The following DSCAML1 variants were observed in gnomAD, a reference collection of about 807,000 sequenced individuals.
DSCAML1 encodes DS cell adhesion molecule like 1.
DSCAML1 carries 38 observed loss-of-function variants against 200.5 expected under a neutral mutation model. The ratio of observed to expected loss-of-function variants is 0.19; its 90% CI spans 0.15 to 0.25. DSCAML1 has a LOEUF of 0.25. Ranked by LOEUF, DSCAML1 falls within the 10% of genes least tolerant of loss-of-function variation. The probability of loss-of-function intolerance (pLI) is 1.00; values close to 1 mark genes in which losing one functional copy is unlikely to be tolerated. For missense variants in DSCAML1, 2,223 were observed against 2,858.8 expected, an observed-to-expected ratio of 0.78 and a Z score of 5.07; for synonymous variants, 1,215 against 1,165.0, an observed-to-expected ratio of 1.04 and a Z score of -0.87.
intron 3 of DSCAML1, among the ~76,000 whole-genome samples, chr11:117,656,647 G>C (rs1490952686): frequency 6.6e-6 from 1 of 152,254 alleles, no homozygotes; most frequent in Middle Eastern, 3.4e-3. Flanking sequence ...GGCTTAGTAG[G>C]GTTAAGAAAT....
At chr11:117,738,220 C>T (rs2054356182) in intron 3 of DSCAML1, among the ~76,000 whole-genome samples, 1 of 152,166 alleles carries the variant, frequency 6.6e-6, no homozygotes, top group African/African-American at 2.4e-5. Context: ...ATACTCTGAA[C>T]TCTTTTCTCA....
At chr11:117,433,946 G>A (rs1019738907) in intron 27 of DSCAML1, among the ~76,000 whole-genome samples, 1 of 152,188 alleles carries the variant, frequency 6.6e-6, no homozygotes, top group Non-Finnish European at 1.5e-5. Flanking sequence ...CTCCTCTGGG[G>A]CCTCTGTCCC....
intron 21 of DSCAML1, among the ~76,000 whole-genome samples, chr11:117,443,595 C>T (rs2048113788): frequency 6.6e-6 from 1 of 152,164 alleles, no homozygotes; most frequent in Non-Finnish European, 1.5e-5. Flanking sequence ...GGGGTAGAGG[C>T]GACTCCCCCT....
At chr11:117,514,482 T>TCTCGGTTG (rs2049713516) in intron 8 of DSCAML1, among the ~76,000 whole-genome samples, 1 of 152,048 alleles carries the variant, frequency 6.6e-6, no homozygotes, top group Non-Finnish European at 1.5e-5. Context: ...TCGGGGCCAT[T>TCTCGGTTG]CTCGGTTGGA....
At chr11:117,449,150 G>T (rs188097233) in intron 20 of DSCAML1, among the ~76,000 whole-genome samples, 1 of 152,282 alleles carries the variant, frequency 6.6e-6, no homozygotes, top group East Asian at 1.9e-4. Context: ...AGTACAAAAA[G>T]AAGCAGCACT....
chr11:117,701,895 C>T (rs746542918), intron 3 of DSCAML1, among the ~76,000 whole-genome samples: 6 of 152,204 alleles, frequency 3.9e-5, no homozygotes, highest in South Asian at 2.1e-4. Flanking sequence ...GGCAGATGTA[C>T]GTGGGGCACA....
rs750689468 is a variant in DSCAML1 at position 117,532,469 on chromosome 11, T to C, written c.565A>G (p.Lys189Glu). 1 of 1,614,168 alleles carries C rather than the reference T, an allele frequency of 6.2e-7. No individual in the cohort carries two copies. The highest frequency in any genetic ancestry group is 8.5e-7 in the Non-Finnish European group (1 of 1,180,018). ...CGATAGGTGGAGAGGGCGTCCTCCT[T>C]CTGTACGTCAGAGATGTACAGCCCG... ...HGGLYISDVQ[K>E]EDALSTYRCI... Residue 189 changes from lysine (K) to glutamate (E), a missense_variant, in exon 4 of 33, where the codon AAG becomes GAG. Physicochemically the swap from Lys to Glu is moderately conservative, Grantham distance 56 (BLOSUM62 1). Around this residue, in one of 7 missense-constraint regions of DSCAML1, gnomAD observed 579 missense variants for 721.5 expected, o/e 0.80. Coordinates refer to ENST00000651296, the MANE Select transcript of DSCAML1 (RefSeq NM_020693.4).
intron 3 of DSCAML1, among the ~76,000 whole-genome samples, chr11:117,704,805 G>C (rs1011443275): frequency 3.9e-5 from 6 of 152,182 alleles, no homozygotes; most frequent in South Asian, 4.1e-4. Context: ...TACCTCAAAA[G>C]CCATTTATTT....
chr11:117,675,170 A>C (rs918043635), intron 3 of DSCAML1, among the ~76,000 whole-genome samples: 2 of 152,234 alleles, frequency 1.3e-5, no homozygotes, highest in African/African-American at 4.8e-5. Context: ...AGAACTTAGA[A>C]CACTGTGTGT....
At chr11:117,594,399 TCAAA>T (rs1027235685) in intron 3 of DSCAML1, among the ~76,000 whole-genome samples, 12 of 152,210 alleles carry the variant, frequency 7.9e-5, no homozygotes, top group African/African-American at 1.2e-4. Flanking sequence ...TCTTGCGTTT[TCAAA>T]CAAACACCCT....
intron 22 of DSCAML1, 94 bp from the exon 23 acceptor site, chr11:117,439,523 G>A: frequency 1.3e-6 from 2 of 1,486,178 alleles, no homozygotes; most frequent in South Asian, 1.3e-5. Context: ...AGCTGGGGGT[G>A]GAAGGAGGCT....
In DSCAML1 at chr11:117,437,147, C is replaced by T. The variant is rs1390685170; in HGVS notation, c.4695G>A (p.Gln1565=). The part of the protein sequence containing the change: ...NSAGCGNETA[Q]FATLDYDGST... ...TGCCATCGTAGTCCAGGGTGGCGAA[C>T]TGGGCTGTTTCATTGCCGCAGCCCG... The change falls in exon 26 of 33, where the codon CAG becomes CAA. Residue 1565 remains glutamine (Q), a synonymous_variant. Transcript: ENST00000651296. The surrounding 1 kb of genome is among the most constrained non-coding windows in gnomAD (Gnocchi z 5.3). 3 of 1,613,910 alleles carry T rather than the reference C, an allele frequency of 1.9e-6. No homozygotes were observed. The highest frequency in any genetic ancestry group is 1.7e-6 in the Non-Finnish European group (2 of 1,179,874).
At chr11:117,539,094 T>C (rs1487573192) in intron 3 of DSCAML1, among the ~76,000 whole-genome samples, 1 of 152,126 alleles carries the variant, frequency 6.6e-6, no homozygotes, top group African/African-American at 2.4e-5. Flanking sequence ...GTTTCCAGAA[T>C]GAATGCACGA....
At chr11:117,663,349 C>T (rs1290811878) in intron 3 of DSCAML1, among the ~76,000 whole-genome samples, 1 of 152,148 alleles carries the variant, frequency 6.6e-6, no homozygotes, top group Non-Finnish European at 1.5e-5. Flanking sequence ...GCTTCCTCTA[C>T]CTTTGGTTTC....
chr11:117,500,753 C>T (rs1381691052), intron 11 of DSCAML1, among the ~76,000 whole-genome samples: 1 of 152,200 alleles, frequency 6.6e-6, no homozygotes. Context: ...ATAGACACTC[C>T]CCATTAGAAG....
intron 3 of DSCAML1, among the ~76,000 whole-genome samples, chr11:117,711,749 T>C (rs959895288): frequency 2.0e-5 from 3 of 152,216 alleles, no homozygotes; most frequent in African/African-American, 7.2e-5. Flanking sequence ...GATTGTTTAA[T>C]TCCACAATGA....
intron 3 of DSCAML1, among the ~76,000 whole-genome samples, chr11:117,603,591 T>C (rs1181940107): frequency 6.6e-6 from 1 of 152,242 alleles, no homozygotes; most frequent in Non-Finnish European, 1.5e-5. Flanking sequence ...AAATATTTGA[T>C]ATTATTATTT....
chr11:117,585,547 A>T (rs1427626402), intron 3 of DSCAML1, among the ~76,000 whole-genome samples: 1 of 152,312 alleles, frequency 6.6e-6, no homozygotes, highest in African/African-American at 2.4e-5. Context: ...CACCTGGCTT[A>T]TCTGCTATTT....
intron 3 of DSCAML1, among the ~76,000 whole-genome samples, chr11:117,717,932 G>A (rs968284554): frequency 6.6e-6 from 1 of 152,194 alleles, no homozygotes; most frequent in Non-Finnish European, 1.5e-5. Context: ...GTGAGAAGAG[G>A]AGTGCAGGTT....
Sources: allele counts gnomAD v4.1 joint callset (sites outside exome capture counted in the v4.1 genomes callset), GRCh38; gene constraint gnomAD v4.1.1; regional missense constraint gnomAD v4.1.1; non-coding constraint Gnocchi (gnomAD v3.1); transcripts MANE v1.5; gene names NCBI Gene and HGNC (gene_info 2026-07-23, HGNC 2026-07-21).